The following TENM3 variants were observed in gnomAD, a reference collection of about 807,000 sequenced individuals.
The protein encoded by TENM3 is teneurin transmembrane protein 3, also known as teneurin-3.
A neutral mutation model predicts 255.1 loss-of-function variants in TENM3; 63 were observed. The ratio of observed to expected loss-of-function variants is 0.25; its 90% CI spans 0.20 to 0.30. The LOEUF (loss-of-function observed/expected upper bound fraction) is 0.30. Ranked by LOEUF, TENM3 falls within the 10% of genes least tolerant of loss-of-function variation. The pLI is 1.00. For missense variants in TENM3, 2,929 were observed against 3,461.1 expected, an observed-to-expected ratio of 0.85 and a Z score of 3.86; for synonymous variants, 1,306 against 1,322.3, an observed-to-expected ratio of 0.99 and a Z score of 0.27.
At position 182,204,021 on chromosome 4, in the gene TENM3, A is replaced by G. The variant is rs565756062; in HGVS notation, c.-76+59267A>G. ...CTGTCACCATCAAGGGTAGACACTA[A>G]TGAAGCATCAGAGCGCCGACAGTAA... On this transcript the variant is annotated intron_variant, in intron 1 of 2. Coordinates refer to the TENM3 transcript ENST00000512480. 4.9e-4 allele frequency among the ~76,000 whole-genome samples: 74 copies of G among 152,346 alleles called. 4 individuals are homozygous for G. In the South Asian group the frequency reaches 0.015, roughly 31 times the overall value.
In TENM3 at chr4:182,534,652, C is replaced by T. The variant is rs1740112993; in HGVS notation, c.512-66272C>T. ...CTGTTTTATATATAAGAGCTTGTTT[C>T]TTCGAAATATTAAGCAAATTGCCTA... is the stretch of plus-strand genomic sequence containing the variant. On this transcript the variant is annotated intron_variant, in intron 3 of 27. Transcript: ENST00000511685. Among the ~76,000 whole-genome samples the T allele has an allele frequency of 2.6e-5, 4 of 152,258 alleles. 1 individual carries two copies. The highest frequency in any genetic ancestry group is 4.2e-4 in the South Asian group (2 of 4,818).
At position 182,308,228 on chromosome 4, in the gene TENM3, C is replaced by T. The variant is rs148291468; in HGVS notation, c.-75-15718C>T. ...AAAGCACAGGCTGGATTGAGCCCCC[C>T]AACCCCCTCAGCAGATGACCCGATG... On this transcript the variant is annotated intron_variant, in intron 1 of 27. Coordinates refer to ENST00000511685, the MANE Select transcript of TENM3 (RefSeq NM_001080477.4). Among the ~76,000 whole-genome samples the T allele has an allele frequency of 2.8e-4, 42 of 152,350 alleles. 2 individuals are homozygous for T. In the East Asian group the frequency reaches 7.5e-3, roughly 27 times the overall value.
At chr4:181,592,662 CTTTT>C in the TENM3 span, among the ~76,000 whole-genome samples, 11 of 130,030 alleles carry the variant, frequency 8.5e-5, no homozygotes, top group Non-Finnish European at 8.1e-5. Context: ...GAAAATCTCT[CTTTT>C]TTTTTTTTTT....
intron 6 of TENM3, among the ~76,000 whole-genome samples, chr4:182,664,128 T>A (rs1754447728): frequency 6.6e-6 from 1 of 152,224 alleles, no homozygotes; most frequent in Non-Finnish European, 1.5e-5. Flanking sequence ...CCAGATACCG[T>A]GTTTTTTACA....
the TENM3 span, among the ~76,000 whole-genome samples, chr4:181,670,603 A>C: frequency 6.6e-6 from 1 of 152,216 alleles, no homozygotes; most frequent in South Asian, 2.1e-4. Flanking sequence ...CAAGGCACTG[A>C]AGTTAAGAGG....
intron 3 of TENM3, among the ~76,000 whole-genome samples, chr4:182,580,412 C>A (rs769295634): frequency 4.6e-5 from 7 of 152,092 alleles, no homozygotes. Context: ...ACCTCTTCAT[C>A]GCTCTATTTT....
chr4:182,216,846 G>T (rs901150311), intron 1 of TENM3, among the ~76,000 whole-genome samples: 5 of 151,992 alleles, frequency 3.3e-5, no homozygotes, highest in Admixed American at 2.0e-4. Context: ...AACGATTCAG[G>T]TGTTTTCTAA....
intron 24 of TENM3, among the ~76,000 whole-genome samples, chr4:182,777,509 TTA>T (rs1468168332): frequency 0.01 from 1,225 of 120,122 alleles, 17 homozygotes; most frequent in African/African-American, 0.034. Context: ...CATAATGTGT[TTA>T]TGTGTGTGTG....
chr4:181,485,056 A>G, the TENM3 span, among the ~76,000 whole-genome samples: 2 of 152,166 alleles, frequency 1.3e-5, no homozygotes, highest in African/African-American at 4.8e-5. Flanking sequence ...TTTTCTTTAG[A>G]TAATATTAAT....
chr4:181,796,153 C>T, the TENM3 span, among the ~76,000 whole-genome samples: 4 of 152,088 alleles, frequency 2.6e-5, no homozygotes, highest in Admixed American at 2.6e-4. Context: ...GGAGGAGGAG[C>T]GTAATAGTAT....
At chr4:182,416,202 G>A (rs1288105363) in intron 3 of TENM3, among the ~76,000 whole-genome samples, 2 of 152,096 alleles carry the variant, frequency 1.3e-5, no homozygotes, top group African/African-American at 4.8e-5. Flanking sequence ...TCCATAATAT[G>A]TTTTTATTTT....
the TENM3 span, among the ~76,000 whole-genome samples, chr4:182,092,638 C>A: frequency 3.3e-5 from 5 of 152,188 alleles, no homozygotes; most frequent in Admixed American, 3.3e-4. Flanking sequence ...TAGAGCAAGA[C>A]CCTGACTCAA....
At chr4:181,624,386 A>C in the TENM3 span, among the ~76,000 whole-genome samples, 1 of 152,196 alleles carries the variant, frequency 6.6e-6, no homozygotes, top group Non-Finnish European at 1.5e-5. Context: ...GGCCACATCT[A>C]CCCTTAAAGA....
At chr4:182,437,241 T>C (rs1309397988) in intron 3 of TENM3, among the ~76,000 whole-genome samples, 1 of 152,214 alleles carries the variant, frequency 6.6e-6, no homozygotes, top group Non-Finnish European at 1.5e-5. Context: ...CTTTAATTCA[T>C]TCTTCAAAAT....
At chr4:182,788,445 G>T (rs1765853585) in intron 24 of TENM3, among the ~76,000 whole-genome samples, 1 of 152,220 alleles carries the variant, frequency 6.6e-6, no homozygotes, top group African/African-American at 2.4e-5. Flanking sequence ...TGCTGAATTT[G>T]TCAGATAAGT....
intron 1 of TENM3, among the ~76,000 whole-genome samples, chr4:182,290,072 G>A (rs1430417687): frequency 1.3e-5 from 2 of 152,070 alleles, no homozygotes; most frequent in African/African-American, 4.8e-5. Flanking sequence ...TCCTCACCGG[G>A]GCTAATCACT....
the TENM3 span, among the ~76,000 whole-genome samples, chr4:181,453,438 T>G: frequency 1.8e-4 from 28 of 152,032 alleles, no homozygotes; most frequent in Admixed American, 1.8e-3. Context: ...GAGGAAAAGG[T>G]CACTAAGAAT....
At chr4:182,284,132 A>T (rs189381082) in intron 1 of TENM3, among the ~76,000 whole-genome samples, 173 of 152,344 alleles carry the variant, frequency 1.1e-3, no homozygotes, top group Non-Finnish European at 1.6e-3. Flanking sequence ...TAAAAAAATA[A>T]TAATTGAACA....
intron 1 of TENM3, among the ~76,000 whole-genome samples, chr4:182,186,381 T>C (rs1399409530): frequency 1.3e-5 from 2 of 152,158 alleles, no homozygotes; most frequent in Non-Finnish European, 2.9e-5. Flanking sequence ...GTTTTAATTA[T>C]TCCTTTTACA....
Sources: gnomAD v4.1 joint callset for allele counts (sites outside exome capture counted in the v4.1 genomes callset) on GRCh38, gnomAD v4.1.1 for gene constraint, MANE v1.5 for transcripts, NCBI Gene and HGNC (gene_info 2026-07-23, HGNC 2026-07-21) for gene names.